Variants in PIGK observed in about 807,000 individuals in gnomAD.
PIGK encodes GPI-anchor transamidase.
In PIGK, 42 loss-of-function variants were observed where a neutral mutation model predicts 50.6. That is an observed-to-expected ratio of 0.83 (90% CI 0.65 to 1.07). The LOEUF is 1.07. PIGK is among the 50% of genes least tolerant of loss of function. The pLI is 0.00. For missense variants in PIGK, 448 were observed against 488.7 expected, an observed-to-expected ratio of 0.92 and a Z score of 0.78; for synonymous variants, 151 against 156.0, an observed-to-expected ratio of 0.97 and a Z score of 0.24.
intron 9 of PIGK, among the ~76,000 whole-genome samples, chr1:77,151,016 A>G (rs116264658): frequency 0.013 from 1,914 of 152,262 alleles, 39 homozygotes; most frequent in African/African-American, 0.044. Flanking sequence ...CCTGATAACA[A>G]AACCAGACAA....
chr1:77,130,607 A>T (rs1230672343), intron 9 of PIGK, among the ~76,000 whole-genome samples: 1 of 152,160 alleles, frequency 6.6e-6, no homozygotes, highest in East Asian at 1.9e-4. Flanking sequence ...AATCATCACA[A>T]CTTTAAAATA....
intron 10 of PIGK, among the ~76,000 whole-genome samples, chr1:77,113,940 A>T (rs1276235605): frequency 6.6e-6 from 1 of 152,152 alleles, no homozygotes; most frequent in Non-Finnish European, 1.5e-5. Context: ...AGTCAAGTGC[A>T]GCTGGGGTGA....
chr1:77,119,600 T>C (rs1436511460), intron 10 of PIGK, among the ~76,000 whole-genome samples: 1 of 152,224 alleles, frequency 6.6e-6, no homozygotes, highest in Non-Finnish European at 1.5e-5. Flanking sequence ...TTTGACAGCA[T>C]AAAATGGTAG....
intron 3 of PIGK, among the ~76,000 whole-genome samples, chr1:77,181,433 C>A (rs549408873): frequency 6.6e-6 from 1 of 152,050 alleles, no homozygotes; most frequent in Non-Finnish European, 1.5e-5. Flanking sequence ...AAAATTTTCA[C>A]GGAATGAAAT....
intron 10 of PIGK, among the ~76,000 whole-genome samples, chr1:77,096,881 C>CTTTTTT (rs141858558): frequency 8.0e-6 from 1 of 124,310 alleles, no homozygotes; most frequent in Non-Finnish European, 1.7e-5. Context: ...TCGGGTTTTT[C>CTTTTTT]TTTTTTTTTT....
chr1:77,089,743 A>C lies in PIGK; in HGVS notation c.*2631T>G, dbSNP rs756718782. Reference sequence around the variant, plus strand: ...TAATATTTCTTGATCCAATTTAATCAGCTTTGTATCCAAACTACATTTTCC... The same window carrying C: ...TAATATTTCTTGATCCAATTTAATCCGCTTTGTATCCAAACTACATTTTCC... On this transcript the variant is annotated 3_prime_UTR_variant, in exon 11 of 11. Transcript: ENST00000370812. 5.9e-5 allele frequency: 9 copies of C among 152,694 alleles called. No individual in the cohort carries two copies. Among genetic ancestry groups the C allele is most frequent in the Admixed American group, 3.9e-4 (6 of 15,292 alleles). The allele number at this position is 152,694 out of a possible 1,614,324, so 9.5% of individuals were successfully genotyped here. A position where few individuals can be genotyped will look rare whatever the true frequency, so the allele number is the denominator to read the frequency against.
At chr1:77,133,999 G>C (rs1300594466) in intron 9 of PIGK, among the ~76,000 whole-genome samples, 2 of 152,192 alleles carry the variant, frequency 1.3e-5, no homozygotes, top group South Asian at 4.1e-4. Context: ...CTATAGCGCA[G>C]AGGTATGTGA....
At chr1:77,100,649 C>T (rs1035780577) in intron 10 of PIGK, among the ~76,000 whole-genome samples, 1 of 152,036 alleles carries the variant, frequency 6.6e-6, no homozygotes, top group African/African-American at 2.4e-5. Context: ...TTATCCAGGG[C>T]ATAGGGAAAG....
rs74412615 is a variant in PIGK at position 77,098,614 on chromosome 1, C to T, written c.1072-6124G>A. Among the ~76,000 whole-genome samples the T allele has an allele frequency of 1.8e-4, 27 of 152,128 alleles. No homozygotes were observed. The East Asian group carries it at 4.4e-3, about 25-fold the overall frequency. On this transcript the variant is annotated intron_variant, in intron 10 of 10. Transcript: ENST00000370812. ...TTGGCCTCCTAAAGTGTTAGGATTA[C>T]CAGGGTGAACTACCACGCCTGGCTG...
intron 8 of PIGK, among the ~76,000 whole-genome samples, chr1:77,158,332 T>A (rs1302665954): frequency 6.6e-6 from 1 of 152,004 alleles, no homozygotes; most frequent in East Asian, 1.9e-4. Flanking sequence ...CTCTCTTTTT[T>A]TTTTTAATAA....
chr1:77,163,307 T>C (rs1390617325), intron 6 of PIGK, among the ~76,000 whole-genome samples: 1 of 152,168 alleles, frequency 6.6e-6, no homozygotes, highest in African/African-American at 2.4e-5. Flanking sequence ...AGCCTATAAG[T>C]GTTTATTGAA....
intron 9 of PIGK, 100 bp from the exon 10 acceptor site, chr1:77,122,459 AGATT>A (rs566228536): frequency 5.8e-6 from 4 of 689,712 alleles, no homozygotes; most frequent in Non-Finnish European, 9.9e-6. Context: ...TAAAATGCAT[AGATT>A]TTTTTTGAAA....
chr1:77,102,824 T>C (rs1461878978), intron 10 of PIGK, among the ~76,000 whole-genome samples: 7 of 152,246 alleles, frequency 4.6e-5, no homozygotes, highest in Non-Finnish European at 1.0e-4. Context: ...CCAAGAGCTC[T>C]TTCTCATACA....
chr1:77,144,984 T>C (rs1654734908), intron 9 of PIGK, among the ~76,000 whole-genome samples: 1 of 151,934 alleles, frequency 6.6e-6, no homozygotes, highest in Non-Finnish European at 1.5e-5. Flanking sequence ...TTGAAAAATA[T>C]AGTAACATGT....
chr1:77,174,015 A>G (rs370221352), intron 3 of PIGK, among the ~76,000 whole-genome samples: 22 of 152,348 alleles, frequency 1.4e-4, no homozygotes, highest in African/African-American at 4.6e-4. Flanking sequence ...ACTGCTCTAG[A>G]CTTCTAGGAA....
At chr1:77,186,861 C>T (rs370729015) in intron 3 of PIGK, among the ~76,000 whole-genome samples, 2 of 152,148 alleles carry the variant, frequency 1.3e-5, no homozygotes, top group South Asian at 2.1e-4. Flanking sequence ...CACCATTCCT[C>T]GGCATGATTA....
At chr1:77,177,987 G>A (rs556920403) in intron 3 of PIGK, among the ~76,000 whole-genome samples, 10 of 152,244 alleles carry the variant, frequency 6.6e-5, no homozygotes, top group South Asian at 4.1e-4. Flanking sequence ...CCAAGATCAC[G>A]AATCAAGACT....
At chr1:77,106,474 A>G (rs999013023) in intron 10 of PIGK, among the ~76,000 whole-genome samples, 2 of 152,208 alleles carry the variant, frequency 1.3e-5, no homozygotes, top group African/African-American at 4.8e-5. Context: ...AATTATCTAA[A>G]GTTTGAAAAA....
At chr1:77,103,940 T>TA (rs1270422420) in intron 10 of PIGK, among the ~76,000 whole-genome samples, 3 of 151,500 alleles carry the variant, frequency 2.0e-5, no homozygotes, top group Admixed American at 1.3e-4. Context: ...TGTACACACT[T>TA]AGAGAAATGG....
Sources: gnomAD v4.1 joint callset for allele counts (sites outside exome capture counted in the v4.1 genomes callset) on GRCh38, gnomAD v4.1.1 for gene constraint, MANE v1.5 for transcripts, NCBI Gene and HGNC (gene_info 2026-07-23, HGNC 2026-07-21) for gene names.